Variants in ARHGEF10L observed in about 807,000 individuals in gnomAD.
The protein encoded by ARHGEF10L is rho guanine nucleotide exchange factor 10-like protein.
Under a neutral mutation model 141.2 loss-of-function variants are expected in ARHGEF10L, and 69 were observed. The observed-to-expected ratio is 0.49, with a 90% CI of 0.40 to 0.60. The LOEUF (loss-of-function observed/expected upper bound fraction) is 0.60. Among genes scored for constraint, ARHGEF10L ranks in the 20% least tolerant of loss-of-function variants. The pLI is 0.00. For missense variants in ARHGEF10L, 1,482 were observed against 1,734.3 expected (o/e 0.85, Z 2.58); for synonymous variants, 711 against 718.5 (o/e 0.99, Z 0.17).
chr1:17,654,299 C>T lies in ARHGEF10L; in HGVS notation c.2395-337C>T, dbSNP rs998343505. On this transcript the variant is annotated intron_variant, in intron 22 of 28. Transcript: ENST00000361221. The surrounding 1 kb of genome is among the most constrained non-coding windows in gnomAD (Gnocchi z 4.3). ...CTCTGTGGTCTAGGGTAGTCACCTG[C>T]CCTCTGTGACCCTCATTTCCCTGTT... Among the ~76,000 whole-genome samples, 1 of 152,190 alleles carries T rather than the reference C, an allele frequency of 6.6e-6. No individual in the cohort carries two copies. The highest frequency in any genetic ancestry group is 1.5e-5 in the Non-Finnish European group (1 of 68,034).
Position 17,696,160 on chromosome 1 carries a change from C to T in ARHGEF10L, c.3308-688C>T, listed in dbSNP as rs189392631. Among the ~76,000 whole-genome samples, 449 of 149,790 alleles carry T rather than the reference C, an allele frequency of 3.0e-3. 8 individuals are homozygous for T. The highest frequency in any genetic ancestry group is 0.01 in the African/African-American group (419 of 40,676). ...CCCGGGAGGTGGAGGTTGCAGTGAG[C>T]CGAGATTGCGCCATTGCACTCCAGC... On this transcript the variant is annotated intron_variant, in intron 28 of 28. Transcript: ENST00000361221.
intron 25 of ARHGEF10L, among the ~76,000 whole-genome samples, chr1:17,661,870 A>C (rs2062652823): frequency 6.6e-6 from 1 of 152,200 alleles, no homozygotes; most frequent in South Asian, 2.1e-4. Flanking sequence ...CACCAGGCCC[A>C]GCTGCAGAGG....
chr1:17,691,723 A>G (rs772478021), intron 27 of ARHGEF10L, among the ~76,000 whole-genome samples: 16 of 151,696 alleles, frequency 1.1e-4, no homozygotes, highest in South Asian at 2.1e-4. Context: ...ATATGTGTGT[A>G]TATATTTAAT....
chr1:17,521,461 G>A, the ARHGEF10L span, among the ~76,000 whole-genome samples: 2 of 152,228 alleles, frequency 1.3e-5, no homozygotes, highest in African/African-American at 4.8e-5. Flanking sequence ...CTCCCAAAGT[G>A]CTGGGATTGC....
intron 15 of ARHGEF10L, among the ~76,000 whole-genome samples, chr1:17,630,223 G>A (rs142346825): frequency 9.2e-5 from 14 of 152,342 alleles, no homozygotes; most frequent in Middle Eastern, 3.4e-3. Flanking sequence ...GGTGTAACCC[G>A]AAACGGAACC....
intron 26 of ARHGEF10L, among the ~76,000 whole-genome samples, chr1:17,670,004 C>T (rs1014648976): frequency 1.1e-4 from 17 of 152,360 alleles, no homozygotes; most frequent in African/African-American, 3.8e-4. Context: ...TGTCTGGAGG[C>T]CAGGATCCCC....
In ARHGEF10L at chr1:17,558,507, A is replaced by G. The variant is rs114805215; in HGVS notation, c.-44+18557A>G. On this transcript the variant is annotated intron_variant, in intron 1 of 28. Coordinates refer to ENST00000361221, the MANE Select transcript of ARHGEF10L (RefSeq NM_018125.4). The surrounding 1 kb of genome is among the most constrained non-coding windows in gnomAD (Gnocchi z 4.2). ...CCAGCTGTCTGTCCCAGTGGTCATC[A>G]TGGGAGACTGCTCTGATGCCAGCTG... 3.0e-3 allele frequency among the ~76,000 whole-genome samples: 463 copies of G among 152,338 alleles called. 4 individuals carry two copies. The highest frequency in any genetic ancestry group is 0.01 in the African/African-American group (429 of 41,578).
chr1:17,534,386 G>T, the ARHGEF10L span, among the ~76,000 whole-genome samples: 1 of 152,040 alleles, frequency 6.6e-6, no homozygotes, highest in Admixed American at 6.6e-5. Flanking sequence ...GCCTCCCAAA[G>T]TTCTGGGATT....
intron 1 of ARHGEF10L, among the ~76,000 whole-genome samples, chr1:17,559,510 C>T (rs551127375): frequency 1.1e-4 from 17 of 152,292 alleles, no homozygotes; most frequent in South Asian, 6.2e-4. Context: ...CCCCCAGGGC[C>T]GCTGGGAGGA....
At chr1:17,629,469 C>T (rs924271426) in intron 15 of ARHGEF10L, among the ~76,000 whole-genome samples, 9 of 152,318 alleles carry the variant, frequency 5.9e-5, no homozygotes, top group Non-Finnish European at 1.2e-4. Flanking sequence ...CACCAGCCCC[C>T]GAGTGGCAGC....
At chr1:17,552,411 T>G (rs796959193) in intron 1 of ARHGEF10L, among the ~76,000 whole-genome samples, 52 of 152,158 alleles carry the variant, frequency 3.4e-4, no homozygotes, top group African/African-American at 1.3e-3. Flanking sequence ...TCTTTTTTTT[T>G]TCTTTTGAGA....
intron 26 of ARHGEF10L, among the ~76,000 whole-genome samples, chr1:17,678,523 G>A (rs1220140154): frequency 6.6e-6 from 1 of 151,280 alleles, no homozygotes; most frequent in Middle Eastern, 3.4e-3. Context: ...AGGTTCAGGC[G>A]ACTCTCCGGT....
At chr1:17,567,514 G>C (rs561123097) in intron 1 of ARHGEF10L, among the ~76,000 whole-genome samples, 1 of 152,168 alleles carries the variant, frequency 6.6e-6, no homozygotes, top group South Asian at 2.1e-4. Context: ...TTACAGGCAT[G>C]TGCCACCATG....
chr1:17,656,860 G>A lies in ARHGEF10L; in HGVS notation c.2860+152G>A. The A allele has an allele frequency of 1.0e-6, 1 of 954,876 alleles. No individual in the cohort carries two copies. The highest frequency in any genetic ancestry group is 1.5e-6 in the Non-Finnish European group (1 of 664,324). 59.2% of individuals were successfully genotyped at this position (954,876 alleles called of 1,614,324 possible). On this transcript the variant is annotated intron_variant, in intron 25 of 28. Coordinates refer to ENST00000361221, the MANE Select transcript of ARHGEF10L (RefSeq NM_018125.4). This position sits in a 1 kb window ranked among gnomAD's most constrained non-coding sequence, Gnocchi z 4.9. ...TTTGGAGATCCGTGAGCCCCGCTGG[G>A]GTTCAATGGGTGGTCCCCCATATGT...
chr1:17,606,192 G>A (rs1256316880), intron 6 of ARHGEF10L, among the ~76,000 whole-genome samples: 1 of 152,178 alleles, frequency 6.6e-6, no homozygotes, highest in African/African-American at 2.4e-5. Flanking sequence ...TACTCAACTT[G>A]TCCACTTATT....
intron 4 of ARHGEF10L, among the ~76,000 whole-genome samples, chr1:17,599,021 A>G (rs1363535512): frequency 6.6e-6 from 1 of 152,170 alleles, no homozygotes; most frequent in South Asian, 2.1e-4. Context: ...TAGGGGTAAC[A>G]ACACCTGCCT....
intron 2 of ARHGEF10L, among the ~76,000 whole-genome samples, chr1:17,583,787 G>A (rs1217180729): frequency 6.6e-6 from 1 of 152,172 alleles, no homozygotes; most frequent in Non-Finnish European, 1.5e-5. Context: ...TGTAAGTCAG[G>A]ATGGGCCTGT....
intron 25 of ARHGEF10L, among the ~76,000 whole-genome samples, chr1:17,662,521 G>T (rs1320552508): frequency 2.0e-5 from 3 of 152,200 alleles, no homozygotes; most frequent in East Asian, 3.9e-4. Context: ...CGCTCTGTGT[G>T]CCTGGAGGTC....
chr1:17,686,106 C>CT (rs981055264), intron 26 of ARHGEF10L, among the ~76,000 whole-genome samples: 183 of 99,376 alleles, frequency 1.8e-3, no homozygotes, highest in Middle Eastern at 5.2e-3. Context: ...TTCTTTCTTT[C>CT]TTTTTTTTTT....
Sources: gnomAD v4.1 joint callset for allele counts (sites outside exome capture counted in the v4.1 genomes callset) on GRCh38, gnomAD v4.1.1 for gene constraint, Gnocchi (gnomAD v3.1) non-coding constraint, MANE v1.5 for transcripts, NCBI Gene and HGNC (gene_info 2026-07-23, HGNC 2026-07-21) for gene names.